PARP14: variants seen among roughly 807,000 people sequenced by gnomAD.
PARP14 encodes protein mono-ADP-ribosyltransferase PARP14.
Under a neutral mutation model 154.2 loss-of-function variants are expected in PARP14, and 59 were observed. That is an observed-to-expected ratio of 0.38 (90% CI 0.31 to 0.48). The LOEUF is 0.48. PARP14 is among the 20% of genes least tolerant of loss of function. The pLI is 0.98. For missense variants in PARP14, 1,734 were observed against 2,131.6 expected, an observed-to-expected ratio of 0.81 and a Z score of 3.67; for synonymous variants, 720 against 780.5, an observed-to-expected ratio of 0.92 and a Z score of 1.29.
chr3:122,688,334 A>AT (rs1938439122), intron 3 of PARP14, among the ~76,000 whole-genome samples: 1 of 152,154 alleles, frequency 6.6e-6, no homozygotes. Context: ...GACTTCATAG[A>AT]TTTTTACCTT....
chr3:122,723,023 C>T (rs1341799484), intron 15 of PARP14, among the ~76,000 whole-genome samples: 1 of 152,012 alleles, frequency 6.6e-6, no homozygotes, highest in Non-Finnish European at 1.5e-5. Context: ...GCAACCTCCG[C>T]CTACCGGTTG....
At chr3:122,720,840 AT>A in intron 15 of PARP14, 1 of 456,702 alleles carries the variant, frequency 2.2e-6, no homozygotes, top group South Asian at 1.5e-5. Context: ...GAATGTGATG[AT>A]TCGTGCCTGT....
Position 122,699,983 on chromosome 3 carries a change from A to G in PARP14, c.1429A>G (p.Arg477Gly), listed in dbSNP as rs775494287. 1 of 1,613,958 alleles carries G rather than the reference A, an allele frequency of 6.2e-7. No homozygotes were observed. Among genetic ancestry groups the G allele is most frequent in the Non-Finnish European group, 8.5e-7 (1 of 1,179,824 alleles). The change falls in exon 6 of 17, where the codon AGG (arginine) becomes GGG (glycine). Residue 477 changes from arginine (R) to glycine (G), a missense_variant. Transcript: ENST00000474629. ...LKEKMIISPG[R>G]YFLLCHSSLL... ...GGAAAAAATGATCATTTCTCCAGGC[A>G]GGTATTTTCTTTTGTGTCACAGCAG...
intron 9 of PARP14, among the ~76,000 whole-genome samples, chr3:122,712,689 G>A (rs536950445): frequency 1.3e-5 from 2 of 152,112 alleles, no homozygotes; most frequent in South Asian, 4.2e-4. Flanking sequence ...AAGTAGCTGG[G>A]ACTACAGTTG....
intron 12 of PARP14, 59 bp from the exon 13 acceptor site, chr3:122,718,012 C>A: frequency 7.6e-7 from 1 of 1,311,544 alleles, no homozygotes; most frequent in East Asian, 2.3e-5. Context: ...TAATTTATTC[C>A]TCAGCCTTCC....
chr3:122,718,707 G>T lies in PARP14; in HGVS notation c.4556G>T (p.Arg1519Leu). 1.2e-6 allele frequency: 2 copies of T among 1,613,558 alleles called. No homozygotes were observed. Among genetic ancestry groups the T allele is most frequent in the South Asian group, 2.2e-5 (2 of 91,030 alleles). Residue 1519 changes from arginine (R) to leucine (L), a missense_variant, in exon 14 of 17, where the codon CGA becomes CTA. Physicochemically the swap from Arg to Leu is moderately radical, Grantham distance 102. This residue lies in a region of PARP14 where 1,646 missense variants were observed against 1,976.0 expected (regional missense o/e 0.83). Transcript: ENST00000474629. ...DEIEAMIKRV[R>L]LAKEQESRAD... ...ATTGAGGCGATGATCAAGAGAGTTC[G>T]ATTGGCCAAAGAACAGGAATCCCGG...
rs1933052161 is a variant in PARP14, at chr3:122,718,266, C to G, written c.4196C>G (p.Ser1399Cys). The G allele has an allele frequency of 6.2e-7, 1 of 1,613,374 alleles. No individual in the cohort carries two copies. ...CTTTCTTCCCAACAGTCTGTGATGT[C>G]TAAACTTGCATGTGAGTTCTTTGTT... ...TQLSSQQSVM[S>C]KLASFLGFSK... Residue 1399 changes from serine to cysteine, a missense_variant, in exon 13 of 17, where the codon TCT becomes TGT. Around this residue, in one of 2 missense-constraint regions of PARP14, gnomAD observed 1,646 missense variants for 1,976.0 expected, o/e 0.83. Transcript: ENST00000474629.
intron 1 of PARP14, among the ~76,000 whole-genome samples, chr3:122,683,097 A>G (rs1282653839): frequency 1.3e-5 from 2 of 152,196 alleles, no homozygotes; most frequent in East Asian, 3.9e-4. Flanking sequence ...AAACAAACAA[A>G]AACAAACTCG....
chr3:122,707,755 G>A (rs568362771), intron 8 of PARP14, among the ~76,000 whole-genome samples: 2 of 152,224 alleles, frequency 1.3e-5, no homozygotes, highest in Admixed American at 6.5e-5. Context: ...CTGTGATCAC[G>A]CCTCTAGCAT....
chr3:122,698,400 G>A (rs1355650774), intron 5 of PARP14, among the ~76,000 whole-genome samples: 1 of 152,206 alleles, frequency 6.6e-6, no homozygotes, highest in Non-Finnish European at 1.5e-5. Context: ...GCATGCACAT[G>A]CACACACATG....
chr3:122,711,809 A>G lies in PARP14; in HGVS notation c.3620-1615A>G, dbSNP rs565603267. ...TTTCTGTTTCTTTCTGATTTAACCTAGGAGGGTTGTATGTTTCCAGGAATT... is the reference window on the plus strand; with the variant it reads ...TTTCTGTTTCTTTCTGATTTAACCTGGGAGGGTTGTATGTTTCCAGGAATT... On this transcript the variant is annotated intron_variant, in intron 9 of 16. Transcript: ENST00000474629. Among the ~76,000 whole-genome samples the G allele has an allele frequency of 4.6e-5, 7 of 152,226 alleles. No individual in the cohort carries two copies. In the East Asian group the frequency reaches 1.4e-3, roughly 29 times the overall value.
chr3:122,728,256 A>G, intron 16 of PARP14, 52 bp from the exon 17 acceptor site: 2 of 1,489,804 alleles, frequency 1.3e-6, no homozygotes, highest in Non-Finnish European at 1.9e-6. Flanking sequence ...GGGCCAACAT[A>G]TCAAATTTTA....
intron 10 of PARP14, 90 bp downstream of exon 10, chr3:122,713,663 CTTG>C: frequency 8.4e-7 from 1 of 1,184,970 alleles, no homozygotes; most frequent in Non-Finnish European, 1.2e-6. Context: ...AGAACTTTGG[CTTG>C]TTAATTAATA....
At position 122,681,166 on chromosome 3, in the gene PARP14, C is replaced by T; in HGVS notation, c.187+96C>T. On this transcript the variant is annotated intron_variant, in intron 1 of 16. Coordinates refer to ENST00000474629, the MANE Select transcript of PARP14 (RefSeq NM_017554.3). The surrounding 1 kb of genome is among the most constrained non-coding windows in gnomAD (Gnocchi z 5.5). ...ACGCACGGGAGGGTGACCCGCCCGA[C>T]TTCGGCGGCTGCTGTAGCGGAGGTG... 1 of 423,988 alleles carries T rather than the reference C, an allele frequency of 2.4e-6. No individual in the cohort carries two copies. Among genetic ancestry groups the T allele is most frequent in the Non-Finnish European group, 3.9e-6 (1 of 253,800 alleles). 26.3% of individuals were successfully genotyped at this position (423,988 alleles called of 1,614,324 possible).
Position 122,713,512 on chromosome 3 carries a change from C to A in PARP14, c.3708C>A (p.Ile1236=). Residue 1236 remains isoleucine (I), a synonymous_variant, in exon 10 of 17, where the codon ATC becomes ATA. Transcript: ENST00000474629. ...TCTTCCAGGTGGCTTCTGGAGATAT[C>A]ACGAAAGAAGAGGCAGATGTGATTG... ...SIIFQVASGD[I]TKEEADVIVN... is the part of the protein sequence containing the mutation. The A allele has an allele frequency of 6.2e-7, 1 of 1,613,312 alleles. No homozygotes were observed. Among genetic ancestry groups the A allele is most frequent in the Non-Finnish European group, 8.5e-7 (1 of 1,179,300 alleles).
At chr3:122,694,665 G>A (rs888428648) in intron 4 of PARP14, among the ~76,000 whole-genome samples, 40 of 152,086 alleles carry the variant, frequency 2.6e-4, no homozygotes, top group African/African-American at 9.2e-4. Context: ...GACTACAGGC[G>A]CGCACAACCA....
rs1221598581 is a variant in PARP14, at chr3:122,701,962, A to C, written c.3081+327A>C. The stretch of plus-strand genomic sequence containing the variant: ...ACACCTGCCGTGTTTTGGTAAATCT[A>C]AGACTAATTTCCTAATTTACTGACA... On this transcript the variant is annotated intron_variant, in intron 6 of 16. Coordinates refer to ENST00000474629, the MANE Select transcript of PARP14 (RefSeq NM_017554.3). The surrounding 1 kb of genome is among the most constrained non-coding windows in gnomAD (Gnocchi z 4.0). Among the ~76,000 whole-genome samples, 1 of 152,208 alleles carries C rather than the reference A, an allele frequency of 6.6e-6. No individual in the cohort carries two copies. Among genetic ancestry groups the C allele is most frequent in the Non-Finnish European group, 1.5e-5 (1 of 68,032 alleles).
intron 1 of PARP14, 104 bp from the exon 2 acceptor site, chr3:122,685,081 C>A: frequency 1.6e-6 from 2 of 1,274,672 alleles, no homozygotes; most frequent in African/African-American, 1.5e-5. Flanking sequence ...AGAAACCGAC[C>A]AAGCCATTGA....
chr3:122,710,727 C>G (rs1293718452), intron 9 of PARP14, among the ~76,000 whole-genome samples: 1 of 151,560 alleles, frequency 6.6e-6, no homozygotes, highest in East Asian at 1.9e-4. Flanking sequence ...ATTTCTTTGA[C>G]CAGTGTTTTG....
Sources: gnomAD v4.1 joint callset for allele counts (sites outside exome capture counted in the v4.1 genomes callset) on GRCh38, gnomAD v4.1.1 for gene constraint, gnomAD v4.1.1 regional missense constraint, Gnocchi (gnomAD v3.1) non-coding constraint, MANE v1.5 for transcripts, NCBI Gene and HGNC (gene_info 2026-07-23, HGNC 2026-07-21) for gene names.